The following CLEC16A variants were observed in gnomAD, a reference collection of about 807,000 sequenced individuals.
CLEC16A encodes protein CLEC16A.
CLEC16A carries 51 observed loss-of-function variants against 109.5 expected under a neutral mutation model. That is an observed-to-expected ratio of 0.47 (90% CI 0.37 to 0.59). CLEC16A has a LOEUF of 0.59. Ranked by LOEUF, CLEC16A falls within the 20% of genes least tolerant of loss-of-function variation. The pLI, the probability that CLEC16A is intolerant of heterozygous loss-of-function variation, is 0.00. For missense variants in CLEC16A, 1,339 were observed against 1,394.0 expected, an observed-to-expected ratio of 0.96 and a Z score of 0.63; for synonymous variants, 673 against 564.2, an observed-to-expected ratio of 1.19 and a Z score of -2.73.
At chr16:11,014,326 T>C (rs777566217) in intron 11 of CLEC16A, among the ~76,000 whole-genome samples, 22 of 152,252 alleles carry the variant, frequency 1.4e-4, no homozygotes, top group Non-Finnish European at 2.9e-4. Flanking sequence ...TGTACCATAG[T>C]TGATTCCATC....
Position 11,130,093 on chromosome 16 carries a change from G to T in CLEC16A, c.2641+3947G>T, listed in dbSNP as rs573674715. Among the ~76,000 whole-genome samples the T allele has an allele frequency of 1.4e-4, 22 of 152,290 alleles. No individual in the cohort carries two copies. The South Asian group carries it at 4.4e-3, about 30-fold the overall frequency. On this transcript the variant is annotated intron_variant, in intron 22 of 23. Transcript: ENST00000409790. Reference sequence around the variant, plus strand: ...GGTTCCGTTTATCCACAGCACTGAGGTTCCTTACCTGGCTGATGCCTTTGT... The same window carrying T: ...GGTTCCGTTTATCCACAGCACTGAGTTTCCTTACCTGGCTGATGCCTTTGT...
chr16:11,065,818 G>A (rs2048725441), intron 19 of CLEC16A, among the ~76,000 whole-genome samples: 1 of 152,178 alleles, frequency 6.6e-6, no homozygotes, highest in Admixed American at 6.5e-5. Flanking sequence ...TGGGAGAGAG[G>A]GTGCTGTGTC....
intron 1 of CLEC16A, among the ~76,000 whole-genome samples, chr16:10,957,267 C>T (rs766559959): frequency 2.0e-5 from 3 of 152,242 alleles, no homozygotes; most frequent in Non-Finnish European, 4.4e-5. Flanking sequence ...GTCCCAGCAA[C>T]TGCTGTGGGA....
At chr16:10,967,849 C>G (rs2042586354) in intron 3 of CLEC16A, among the ~76,000 whole-genome samples, 1 of 152,200 alleles carries the variant, frequency 6.6e-6, no homozygotes. Context: ...ACGATTAAAC[C>G]CAGAGCTTCC....
chr16:11,130,786 C>G lies in CLEC16A; in HGVS notation c.2641+4640C>G, dbSNP rs556852922. On this transcript the variant is annotated intron_variant, in intron 22 of 23. Transcript: ENST00000409790. ...ATAATTCACAAGGAAGAAAACAACT[C>G]TGGCTGCTGCCTCGGGGTGGCTGCC... 5.8e-4 allele frequency among the ~76,000 whole-genome samples: 88 copies of G among 152,360 alleles called. No homozygotes were observed. The Middle Eastern group carries it at 0.01, about 18-fold the overall frequency.
intron 12 of CLEC16A, among the ~76,000 whole-genome samples, chr16:11,022,932 T>C (rs865885124): frequency 1.0e-4 from 15 of 149,050 alleles, no homozygotes; most frequent in Middle Eastern, 3.4e-3. Context: ...TATGTATATA[T>C]AGGCCTAAGA....
intron 19 of CLEC16A, among the ~76,000 whole-genome samples, chr16:11,101,629 G>A (rs1471797536): frequency 2.0e-5 from 3 of 152,120 alleles, no homozygotes; most frequent in Admixed American, 2.0e-4. Context: ...AGCACATACC[G>A]TGTGCCTGGC....
chr16:11,091,359 T>G (rs1353719312), intron 19 of CLEC16A, among the ~76,000 whole-genome samples: 2 of 152,246 alleles, frequency 1.3e-5, no homozygotes, highest in East Asian at 3.8e-4. Flanking sequence ...TTGTGGTGGA[T>G]GCCCCCGGGT....
In CLEC16A at chr16:11,081,755, G is replaced by T. The variant is rs1475777461; in HGVS notation, c.2116+20733G>T. ...GCTTTTGAAAGAGGCCTTTCTCCAG[G>T]AAAGGATTAGAGAGTTCCAGTCATT... On this transcript the variant is annotated intron_variant, in intron 19 of 23. Coordinates refer to ENST00000409790, the MANE Select transcript of CLEC16A (RefSeq NM_015226.3). Among the ~76,000 whole-genome samples, 3 of 152,226 alleles carry T rather than the reference G, an allele frequency of 2.0e-5. No homozygotes were observed. The East Asian group carries it at 5.8e-4, about 29-fold the overall frequency.
At chr16:10,972,236 G>T (rs577369575) in intron 5 of CLEC16A, among the ~76,000 whole-genome samples, 1 of 152,338 alleles carries the variant, frequency 6.6e-6, no homozygotes, top group East Asian at 1.9e-4. Context: ...CCTGCAGTTG[G>T]GGGGGTCAGC....
At chr16:11,001,107 T>A (rs1409812147) in intron 10 of CLEC16A, among the ~76,000 whole-genome samples, 2 of 152,188 alleles carry the variant, frequency 1.3e-5, no homozygotes, top group Non-Finnish European at 2.9e-5. Flanking sequence ...TTTTTTTATT[T>A]TCTTTTTTGA....
chr16:11,152,175 G>T (rs1214305634), intron 22 of CLEC16A, among the ~76,000 whole-genome samples: 2 of 152,274 alleles, frequency 1.3e-5, no homozygotes, highest in African/African-American at 2.4e-5. Flanking sequence ...GGAAAACATC[G>T]ATCTCAAATG....
chr16:11,071,232 G>C (rs1051183567), intron 19 of CLEC16A: 2 of 152,172 alleles, frequency 1.3e-5, no homozygotes, highest in African/African-American at 4.8e-5. Context: ...GTCAGTTCTG[G>C]AAAATTCTCT....
intron 19 of CLEC16A, among the ~76,000 whole-genome samples, chr16:11,107,955 A>G (rs2152995807): frequency 6.6e-6 from 1 of 152,048 alleles, no homozygotes; most frequent in Non-Finnish European, 1.5e-5. Context: ...CTCACCAGGT[A>G]CTCCCCAGCA....
chr16:11,114,529 A>C (rs2051836915), intron 19 of CLEC16A, among the ~76,000 whole-genome samples: 1 of 152,164 alleles, frequency 6.6e-6, no homozygotes, highest in South Asian at 2.1e-4. Context: ...ATGGTACCTT[A>C]GCACTCAGCA....
chr16:11,109,660 C>G (rs2051451413), intron 19 of CLEC16A, among the ~76,000 whole-genome samples: 2 of 152,170 alleles, frequency 1.3e-5, no homozygotes, highest in Non-Finnish European at 2.9e-5. Context: ...GTGGAGGGGC[C>G]AAGACCACAG....
At chr16:11,093,633 G>A (rs1429100352) in intron 19 of CLEC16A, among the ~76,000 whole-genome samples, 2 of 152,164 alleles carry the variant, frequency 1.3e-5, no homozygotes, top group Admixed American at 6.5e-5. Flanking sequence ...GTAAATATCA[G>A]CCAGGCGCCG....
chr16:10,952,305 C>A (rs2041775885), intron 1 of CLEC16A, among the ~76,000 whole-genome samples: 1 of 152,170 alleles, frequency 6.6e-6, no homozygotes, highest in Admixed American at 6.5e-5. Flanking sequence ...ACCAGCCTGG[C>A]CAACATGGCT....
At position 10,977,324 on chromosome 16, in the gene CLEC16A, C is replaced by G. The variant is rs200381678; in HGVS notation, c.828C>G (p.Asn276Lys). The change falls in exon 8 of 24, where the codon AAC (asparagine) becomes AAG (lysine). Residue 276 changes from asparagine to lysine, a missense_variant. Transcript: ENST00000409790. ...DILIINCEFLNDVLTDHLLNR... is the reference protein window; with the variant it reads ...DILIINCEFLKDVLTDHLLNR... ...TGATCATCAACTGTGAGTTCCTCAA[C>G]GATGTGCTCACTGACCACCTGCTCA... 5 of 1,613,984 alleles carry G rather than the reference C, an allele frequency of 3.1e-6. No individual in the cohort carries two copies. The highest frequency in any genetic ancestry group is 1.7e-5 in the Admixed American group (1 of 60,030).
Sources: allele counts gnomAD v4.1 joint callset (sites outside exome capture counted in the v4.1 genomes callset), GRCh38; gene constraint gnomAD v4.1.1; transcripts MANE v1.5; gene names NCBI Gene and HGNC (gene_info 2026-07-23, HGNC 2026-07-21).